Variants in KAT8 observed in about 807,000 individuals in gnomAD.
The protein encoded by KAT8 is histone acetyltransferase KAT8.
A neutral mutation model predicts 62.9 loss-of-function variants in KAT8; 40 were observed. The observed-to-expected ratio is 0.64, with a 90% CI of 0.49 to 0.83. The LOEUF (loss-of-function observed/expected upper bound fraction) is 0.83. KAT8 is among the 40% of genes least tolerant of loss of function. The probability of loss-of-function intolerance (pLI) is 0.00; values close to 1 mark genes in which losing one functional copy is unlikely to be tolerated. For missense variants in KAT8, 387 were observed against 614.8 expected (o/e 0.63, Z 3.92); for synonymous variants, 278 against 254.5 (o/e 1.09, Z -0.88).
intron 6 of KAT8, among the ~76,000 whole-genome samples, chr16:31,128,414 G>A (rs2057549092): frequency 6.6e-6 from 1 of 152,152 alleles, no homozygotes. Context: ...GCGTGGTGGT[G>A]CGCACCTGTA....
At chr16:31,124,731 C>CAAAAA (rs551229166) in intron 3 of KAT8, among the ~76,000 whole-genome samples, 1 of 61,074 alleles carries the variant, frequency 1.6e-5, no homozygotes, top group Non-Finnish European at 3.0e-5. Flanking sequence ...GGCTCCATTT[C>CAAAAA]AAAAAAAAAA....
intron 10 of KAT8, 143 bp downstream of exon 10, chr16:31,131,043 C>A: frequency 1.3e-6 from 2 of 1,502,906 alleles, no homozygotes; most frequent in South Asian, 2.6e-5. Flanking sequence ...GCAGGCCTCT[C>A]ATTCCTGGGC....
chr16:31,121,085 T>TTGTGTGTGTGTGTGTGTGTGTGTG (rs56324914), intron 3 of KAT8: 1 of 142,992 alleles, frequency 7.0e-6, no homozygotes, highest in African/African-American at 2.6e-5. Context: ...TAAATGGTTT[T>TTGTGTGTGTGTGTGTGTGTGTGTG]TGTGTGTGTG....
chr16:31,131,197 G>A lies in KAT8; in HGVS notation c.1315G>A (p.Asp439Asn), dbSNP rs2057576646. Residue 439 changes from aspartate to asparagine, a missense_variant and splice_region_variant, in exon 11 of 11, where the codon GAC becomes AAC. Coordinates refer to ENST00000219797, the MANE Select transcript of KAT8 (RefSeq NM_032188.3). Reference sequence around the variant, plus strand: ...CCTCCCGCCCCTTCTCCCCACAGTGGACTCCGTCTGCCTCAAGTGGGCACC... The same window carrying A: ...CCTCCCGCCCCTTCTCCCCACAGTGAACTCCGTCTGCCTCAAGTGGGCACC... ...AQYKKPPITV[D>N]SVCLKWAPPK... 1 of 1,613,900 alleles carries A rather than the reference G, an allele frequency of 6.2e-7. No individual in the cohort carries two copies.
chr16:31,127,335 G>A lies in KAT8; in HGVS notation c.663G>A (p.Lys221=). 4 of 1,614,178 alleles carry A rather than the reference G, an allele frequency of 2.5e-6. No homozygotes were observed. Among genetic ancestry groups the A allele is most frequent in the Non-Finnish European group, 3.4e-6 (4 of 1,180,036 alleles). The part of the protein sequence containing the change: ...EYCLKYMKYE[K]SYRFHLGQCQ... ...GCCTCAAGTACATGAAATATGAGAA[G>A]AGCTACCGCTTCCACTTGGTGAGGC... The change falls in exon 5 of 11, where the codon AAG becomes AAA. Residue 221 remains lysine (K), a synonymous_variant. Transcript: ENST00000219797.
intron 1 of KAT8, among the ~76,000 whole-genome samples, chr16:31,119,258 T>C (rs887415110): frequency 2.0e-5 from 3 of 152,158 alleles, no homozygotes; most frequent in African/African-American, 7.2e-5. Context: ...CAAGCGATTC[T>C]CCTGCCTCAA....
At chr16:31,125,986 A>G (rs1042927932) in intron 3 of KAT8, 2 of 152,130 alleles carry the variant, frequency 1.3e-5, no homozygotes, top group Non-Finnish European at 2.9e-5. Context: ...GAAGGAGGGA[A>G]TGTTTTCTGG....
Position 31,120,528 on chromosome 16 carries a change from C to G in KAT8, c.462+14C>G, listed in dbSNP as rs2143966903. The stretch of plus-strand genomic sequence containing the variant: ...CATGTGCAGAAGGTCCGGATCCCTT[C>G]CCATCCACGGGCCCAGGAGGCCCAG... On this transcript the variant is annotated intron_variant, in intron 3 of 10. Coordinates refer to ENST00000219797, the MANE Select transcript of KAT8 (RefSeq NM_032188.3). 2 of 1,590,596 alleles carry G rather than the reference C, an allele frequency of 1.3e-6. No homozygotes were observed. Among genetic ancestry groups the G allele is most frequent in the East Asian group, 2.3e-5 (1 of 44,240 alleles).
At chr16:31,129,934 G>A (rs2057561028) in intron 6 of KAT8, 83 bp from the exon 7 acceptor site, 5 of 1,508,628 alleles carry the variant, frequency 3.3e-6, no homozygotes, top group South Asian at 2.3e-5. Flanking sequence ...CCCACTTCGC[G>A]TGGGCTGGTG....
intron 1 of KAT8, 137 bp downstream of exon 1, chr16:31,118,029 A>G (rs1427822172): frequency 1.5e-6 from 1 of 667,806 alleles, no homozygotes; most frequent in Non-Finnish European, 2.2e-6. Flanking sequence ...GCTTGAGGAA[A>G]GAACGCCGCG....
At chr16:31,118,208 C>T (rs1021154697) in intron 1 of KAT8, 9 of 287,052 alleles carry the variant, frequency 3.1e-5, no homozygotes, top group African/African-American at 1.7e-4. Flanking sequence ...GCTTCCTCAC[C>T]CTCTCTTGTC....
At chr16:31,127,850 T>C (rs1165963214) in intron 5 of KAT8, among the ~76,000 whole-genome samples, 200 bp from the exon 6 acceptor site, 2 of 152,160 alleles carry the variant, frequency 1.3e-5, no homozygotes, top group African/African-American at 4.8e-5. Context: ...TGTGTGATGT[T>C]TGGATCTCTG....
At position 31,117,827 on chromosome 16, in the gene KAT8, G is replaced by A. The variant is rs1450226207; in HGVS notation, c.146G>A (p.Gly49Asp). The change falls in exon 1 of 11, where the codon GGC becomes GAC. Residue 49 changes from glycine (G) to aspartate (D), a missense_variant. Gly to Asp is a moderately conservative substitution (Grantham distance 94). Coordinates refer to ENST00000219797, the MANE Select transcript of KAT8 (RefSeq NM_032188.3). The stretch of plus-strand genomic sequence containing the variant: ...GTCTCTCCGCCGACCCCGGCGCGCG[G>A]CGAGCCGGAAGTCACGGTGGAGATC... ...GRVSPPTPAR[G>D]EPEVTVEIGE... is the part of the protein sequence containing the mutation. 12 of 1,443,460 alleles carry A rather than the reference G, an allele frequency of 8.3e-6. No individual in the cohort carries two copies. The highest frequency in any genetic ancestry group is 1.5e-5 in the African/African-American group (1 of 67,578). 89.4% of individuals were successfully genotyped at this position (1,443,460 alleles called of 1,614,324 possible).
intron 5 of KAT8, 80 bp from the exon 6 acceptor site, chr16:31,127,970 C>T: frequency 2.0e-6 from 2 of 981,064 alleles, no homozygotes; most frequent in East Asian, 2.4e-5. Flanking sequence ...GAGACTTGCT[C>T]CAAAGCATGC....
In KAT8 at chr16:31,128,058, C is replaced by A; in HGVS notation, c.690C>A (p.Cys230Ter). The change falls in exon 6 of 11, where the codon TGC becomes TGA. Residue 230 changes from cysteine to a stop codon, truncating the protein, a stop_gained. Transcript: ENST00000219797. LOFTEE classifies it high-confidence loss of function. ...CTCTTGTCCCCGACCAGGGTCAGTG[C>A]CAGTGGCGGCAGCCCCCCGGGAAAG... ...EKSYRFHLGQ[C>*]QWRQPPGKEI... 6.2e-7 allele frequency: 1 copy of A among 1,613,644 alleles called. No homozygotes were observed. Among genetic ancestry groups the A allele is most frequent in the Non-Finnish European group, 8.5e-7 (1 of 1,179,684 alleles).
At position 31,131,269 on chromosome 16, in the gene KAT8, C is replaced by A; in HGVS notation, c.*10C>A. ...GCTCTCCAAGAAGTGAGCAGCCTGG[C>A]CCCTGCTGTCGGACCTGAGCCTCCT... On this transcript the variant is annotated 3_prime_UTR_variant, in exon 11 of 11. Coordinates refer to ENST00000219797, the MANE Select transcript of KAT8 (RefSeq NM_032188.3). 1.2e-6 allele frequency: 2 copies of A among 1,614,130 alleles called. No individual in the cohort carries two copies. Among genetic ancestry groups the A allele is most frequent in the Non-Finnish European group, 1.7e-6 (2 of 1,179,984 alleles).
Position 31,130,049 on chromosome 16 carries a change from G to A in KAT8, c.804G>A (p.Lys268=), listed in dbSNP as rs762945858. The change falls in exon 7 of 11, where the codon AAG becomes AAA. Residue 268 remains lysine, a synonymous_variant. Transcript: ENST00000219797. ...GTCAGAACCTGTGTCTGCTGGCCAAGCTTTTCCTGGACCATAAGACACTGT... is the reference window on the plus strand; with the variant it reads ...GTCAGAACCTGTGTCTGCTGGCCAAACTTTTCCTGGACCATAAGACACTGT... ...IYCQNLCLLA[K]LFLDHKTLYF... 2.5e-6 allele frequency: 4 copies of A among 1,614,044 alleles called. No individual in the cohort carries two copies. The African/African-American group carries it at 4.0e-5, about 16-fold the overall frequency.
intron 3 of KAT8, chr16:31,125,958 A>G (rs1482094801): frequency 6.6e-6 from 1 of 152,194 alleles, no homozygotes; most frequent in Non-Finnish European, 1.5e-5. Flanking sequence ...CCTGTTGACC[A>G]CTTCTCGCTG....
At chr16:31,121,628 A>G (rs1208914076) in intron 3 of KAT8, among the ~76,000 whole-genome samples, 1 of 152,066 alleles carries the variant, frequency 6.6e-6, no homozygotes, top group Non-Finnish European at 1.5e-5. Flanking sequence ...CTCAGGCTGG[A>G]CTTGAACTCC....
Sources: gnomAD v4.1 joint callset for allele counts (sites outside exome capture counted in the v4.1 genomes callset) on GRCh38, gnomAD v4.1.1 for gene constraint, MANE v1.5 for transcripts, NCBI Gene and HGNC (gene_info 2026-07-23, HGNC 2026-07-21) for gene names.